COL8A1: variants seen among roughly 807,000 people sequenced by gnomAD.
COL8A1 encodes the protein collagen alpha-1(VIII) chain.
COL8A1 carries 21 observed loss-of-function variants against 42.7 expected under a neutral mutation model. The observed-to-expected ratio is 0.49, with a 90% CI of 0.35 to 0.71. COL8A1 has a LOEUF of 0.71. COL8A1 is among the 30% of genes least tolerant of loss of function. The probability of loss-of-function intolerance (pLI) is 0.01; values close to 1 mark genes in which losing one functional copy is unlikely to be tolerated. For synonymous variants in COL8A1, 367 were observed against 369.1 expected, an observed-to-expected ratio of 0.99 and a Z score of 0.06; for missense variants, 788 against 962.4, an observed-to-expected ratio of 0.82 and a Z score of 2.40.
chr3:99,772,224 T>C (rs1941593245), intron 2 of COL8A1, among the ~76,000 whole-genome samples: 1 of 152,090 alleles, frequency 6.6e-6, no homozygotes, highest in Non-Finnish European at 1.5e-5. Flanking sequence ...AAGAAGCTAA[T>C]CTGAAAAAGC....
intron 1 of COL8A1, among the ~76,000 whole-genome samples, chr3:99,653,325 G>A (rs966756076): frequency 4.6e-5 from 7 of 152,044 alleles, no homozygotes; most frequent in African/African-American, 1.4e-4. Flanking sequence ...CTGTGCATTG[G>A]TCATGGTGGC....
intron 2 of COL8A1, among the ~76,000 whole-genome samples, chr3:99,759,091 C>T (rs1429826643): frequency 4.1e-5 from 6 of 145,178 alleles, no homozygotes; most frequent in Admixed American, 2.1e-4. Context: ...CCCAACCCAT[C>T]ACAAGAGCCT....
chr3:99,732,621 GA>G (rs1241293086), intron 1 of COL8A1, among the ~76,000 whole-genome samples: 1 of 151,912 alleles, frequency 6.6e-6, no homozygotes, highest in Non-Finnish European at 1.5e-5. Flanking sequence ...GGGATTACGG[GA>G]ACTATAATTC....
chr3:99,746,603 G>A (rs936281637), intron 2 of COL8A1, among the ~76,000 whole-genome samples: 1 of 152,202 alleles, frequency 6.6e-6, no homozygotes, highest in Admixed American at 6.5e-5. Context: ...GAGAGAAATT[G>A]CTTGTAAAGT....
In COL8A1 at chr3:99,794,485, C is replaced by T. The variant is rs267599509; in HGVS notation, c.584C>T (p.Pro195Leu). 1.2e-6 allele frequency: 2 copies of T among 1,613,980 alleles called. No homozygotes were observed. Among genetic ancestry groups the T allele is most frequent in the East Asian group, 2.2e-5 (1 of 44,862 alleles). The change falls in exon 4 of 4, where the codon CCA becomes CTA. Residue 195 changes from proline to leucine, a missense_variant. By Grantham distance (98) the Pro-to-Leu change is moderately conservative. Transcript: ENST00000652472. The surrounding 1 kb of genome is among the most constrained non-coding windows in gnomAD (Gnocchi z 4.3). ...ATTGGGCCTATGGGGATCCCAGGAC[C>T]ACAAGGACCTCCAGGGCCTCATGGA... The part of the protein sequence containing the change: ...GEIGPMGIPG[P>L]QGPPGPHGLP...
chr3:99,705,779 C>A (rs546059755), intron 1 of COL8A1, among the ~76,000 whole-genome samples: 1 of 151,914 alleles, frequency 6.6e-6, no homozygotes, highest in Admixed American at 6.6e-5. Flanking sequence ...CCTGCCCCCC[C>A]GGTATGATAT....
At chr3:99,773,837 A>ATAT (rs1200212756) in intron 2 of COL8A1, among the ~76,000 whole-genome samples, 3 of 45,400 alleles carry the variant, frequency 6.6e-5, no homozygotes, top group South Asian at 1.1e-3. Context: ...ATATATATAT[A>ATAT]TTTTTTTTTT....
At chr3:99,753,071 C>A (rs902490334) in intron 2 of COL8A1, among the ~76,000 whole-genome samples, 2 of 152,144 alleles carry the variant, frequency 1.3e-5, no homozygotes, top group Non-Finnish European at 2.9e-5. Flanking sequence ...CCAGCACCAA[C>A]CTTTATATAT....
Position 99,798,765 on chromosome 3 carries a change from C to A in COL8A1, c.*2629C>A, listed in dbSNP as rs537642344. Reference sequence around the variant, plus strand: ...AAATACTGTGCATTCTACAATGGTGCTAATCTCAGACCTAAATGATACTCC... The same window carrying A: ...AAATACTGTGCATTCTACAATGGTGATAATCTCAGACCTAAATGATACTCC... On this transcript the variant is annotated 3_prime_UTR_variant, in exon 4 of 4. Coordinates refer to ENST00000652472, the MANE Select transcript of COL8A1 (RefSeq NM_020351.4). The A allele has an allele frequency of 1.3e-5, 2 of 152,300 alleles. No individual in the cohort carries two copies. Among genetic ancestry groups the A allele is most frequent in the East Asian group, 3.9e-4 (2 of 5,190 alleles). 9.4% of individuals were successfully genotyped at this position (152,300 alleles called of 1,614,324 possible). A position where few individuals can be genotyped will look rare whatever the true frequency, so the allele number is the denominator to read the frequency against.
At chr3:99,662,707 G>A (rs923558205) in intron 1 of COL8A1, among the ~76,000 whole-genome samples, 4 of 152,148 alleles carry the variant, frequency 2.6e-5, no homozygotes, top group African/African-American at 9.7e-5. Context: ...TAGTTTCTGT[G>A]GAGGGCTGAG....
chr3:99,722,713 A>T (rs1940190669), intron 1 of COL8A1, among the ~76,000 whole-genome samples: 1 of 152,084 alleles, frequency 6.6e-6, no homozygotes, highest in Non-Finnish European at 1.5e-5. Context: ...CATTCCTCTC[A>T]TCATGATATC....
chr3:99,670,915 C>A (rs954750189), intron 1 of COL8A1, among the ~76,000 whole-genome samples: 14 of 151,650 alleles, frequency 9.2e-5, no homozygotes, highest in Non-Finnish European at 4.4e-5. Flanking sequence ...TCTTTCCTTC[C>A]CCAGTTGTAG....
intron 1 of COL8A1, among the ~76,000 whole-genome samples, chr3:99,721,443 AAGGG>A (rs1442373513): frequency 2.1e-5 from 3 of 144,000 alleles, no homozygotes; most frequent in Non-Finnish European, 4.6e-5. Flanking sequence ...GGGGAAGGGG[AAGGG>A]GAAGGGAAGG....
rs574211951 is a variant in COL8A1, at chr3:99,665,073, G to A, written c.-129+26409G>A. Among the ~76,000 whole-genome samples, 16 of 152,314 alleles carry A rather than the reference G, an allele frequency of 1.1e-4. No individual in the cohort carries two copies. The East Asian group carries it at 3.1e-3, about 29-fold the overall frequency. On this transcript the variant is annotated intron_variant, in intron 1 of 3. Transcript: ENST00000652472. ...ACACATCCTCATCACATCCAAAAGT[G>A]GGATGTGAGCTTCTCCATGCTCCCT...
chr3:99,640,553 A>G (rs1243258734), intron 1 of COL8A1, among the ~76,000 whole-genome samples: 8 of 152,166 alleles, frequency 5.3e-5, no homozygotes, highest in South Asian at 2.1e-4. Flanking sequence ...AGTATTCTCC[A>G]AGGGTTTACT....
At chr3:99,698,118 C>T (rs1448505546) in intron 1 of COL8A1, among the ~76,000 whole-genome samples, 2 of 152,224 alleles carry the variant, frequency 1.3e-5, no homozygotes, top group Non-Finnish European at 2.9e-5. Flanking sequence ...TTTCCAGCTT[C>T]ATCCATGTCC....
chr3:99,758,138 G>A (rs1052168605), intron 2 of COL8A1, among the ~76,000 whole-genome samples: 1 of 152,136 alleles, frequency 6.6e-6, no homozygotes, highest in African/African-American at 2.4e-5. Flanking sequence ...TTAAAAATAG[G>A]TATGAGCAGG....
Position 99,690,564 on chromosome 3 carries a change from G to T in COL8A1, c.-129+51900G>T, listed in dbSNP as rs182734264. Among the ~76,000 whole-genome samples, 100 of 152,252 alleles carry T rather than the reference G, an allele frequency of 6.6e-4. 1 individual carries two copies. Among genetic ancestry groups the T allele is most frequent in the Admixed American group, 1.5e-3 (23 of 15,286 alleles). The stretch of plus-strand genomic sequence containing the variant: ...TTAATCACTGCCTTGCACCCCCAGG[G>T]ACTCAAAAAATATTATTGGATGTGG... On this transcript the variant is annotated intron_variant, in intron 1 of 3. Coordinates refer to ENST00000652472, the MANE Select transcript of COL8A1 (RefSeq NM_020351.4).
chr3:99,699,115 C>T (rs964708622), intron 1 of COL8A1, among the ~76,000 whole-genome samples: 1 of 152,202 alleles, frequency 6.6e-6, no homozygotes, highest in African/African-American at 2.4e-5. Flanking sequence ...ACCACACCCA[C>T]TGCATATGTT....
Sources: gnomAD v4.1 joint callset for allele counts (sites outside exome capture counted in the v4.1 genomes callset) on GRCh38, gnomAD v4.1.1 for gene constraint, Gnocchi (gnomAD v3.1) non-coding constraint, MANE v1.5 for transcripts, NCBI Gene and HGNC (gene_info 2026-07-23, HGNC 2026-07-21) for gene names.